Variants in ZDHHC17 observed in about 807,000 individuals in gnomAD.
ZDHHC17 encodes the protein zDHHC palmitoyltransferase 17, also known as palmitoyltransferase ZDHHC17.
Under a neutral mutation model 90.3 loss-of-function variants are expected in ZDHHC17, and 40 were observed. The ratio of observed to expected loss-of-function variants is 0.44; its 90% CI spans 0.34 to 0.58. The LOEUF is 0.58. Ranked by LOEUF, ZDHHC17 falls within the 20% of genes least tolerant of loss-of-function variation. ZDHHC17 has a pLI of 0.01. For missense variants in ZDHHC17, 614 were observed against 780.8 expected, an observed-to-expected ratio of 0.79 and a Z score of 2.55; for synonymous variants, 235 against 252.4, an observed-to-expected ratio of 0.93 and a Z score of 0.65.
chr12:76,839,009 G>C (rs921340605), intron 10 of ZDHHC17, among the ~76,000 whole-genome samples: 5 of 152,186 alleles, frequency 3.3e-5, no homozygotes, highest in African/African-American at 1.2e-4. Flanking sequence ...TTTGTAGCTT[G>C]CAGATGATGA....
chr12:76,831,860 A>G (rs148310729), intron 10 of ZDHHC17, among the ~76,000 whole-genome samples: 67 of 152,230 alleles, frequency 4.4e-4, no homozygotes, highest in Non-Finnish European at 7.6e-4. Flanking sequence ...TGCCCAGGCT[A>G]GTCTCAAACT....
chr12:76,799,932 T>C (rs917355447), intron 2 of ZDHHC17, among the ~76,000 whole-genome samples: 45 of 152,332 alleles, frequency 3.0e-4, no homozygotes, highest in African/African-American at 9.6e-4. Flanking sequence ...AGTCTAAACA[T>C]GTTTGTTTAT....
chr12:76,849,137 A>AAAC (rs1953529947), intron 15 of ZDHHC17, among the ~76,000 whole-genome samples: 1 of 146,468 alleles, frequency 6.8e-6, no homozygotes, highest in African/African-American at 2.5e-5. Flanking sequence ...AAAAAAAAAA[A>AAAC]AAAACCCAAC....
At chr12:76,822,921 C>T (rs2126682) in intron 8 of ZDHHC17, among the ~76,000 whole-genome samples, 91,078 of 151,828 alleles carry the variant, frequency 0.6, 27,360 homozygotes, top group East Asian at 0.67. Context: ...TTACTTAGCA[C>T]GAGTATTTAC....
At chr12:76,844,020 G>A (rs1314535455) in intron 12 of ZDHHC17, 1 of 151,966 alleles carries the variant, frequency 6.6e-6, no homozygotes, top group African/African-American at 2.4e-5. Flanking sequence ...TTGTTTCTGT[G>A]CTTTACAATG....
intron 1 of ZDHHC17, among the ~76,000 whole-genome samples, chr12:76,776,488 AT>A (rs1276874371): frequency 1.3e-5 from 2 of 150,380 alleles, no homozygotes; most frequent in Non-Finnish European, 2.9e-5. Flanking sequence ...GTTCATGTAT[AT>A]TTATTTCCTT....
At chr12:76,828,629 A>T (rs755965436) in intron 10 of ZDHHC17, 139 bp downstream of exon 10, 2 of 655,602 alleles carry the variant, frequency 3.1e-6, no homozygotes, top group Non-Finnish European at 4.9e-6. Flanking sequence ...TAGTAAACTA[A>T]TATAAGTAAT....
chr12:76,815,833 G>GTT (rs77238734), intron 6 of ZDHHC17, 24 bp from the exon 7 acceptor site: 1,325 of 1,134,102 alleles, frequency 1.2e-3, no homozygotes, highest in South Asian at 3.2e-3. Context: ...GTTGTTGTTT[G>GTT]TTTTTTTTTT....
chr12:76,800,698 CT>C (rs141610954), intron 2 of ZDHHC17, among the ~76,000 whole-genome samples: 4,601 of 152,088 alleles, frequency 0.03, 150 homozygotes, highest in African/African-American at 0.078. Flanking sequence ...CATGGAATTT[CT>C]TTTTTCATCC....
intron 3 of ZDHHC17, among the ~76,000 whole-genome samples, chr12:76,807,365 A>G (rs1486585988): frequency 1.3e-5 from 2 of 152,262 alleles, no homozygotes; most frequent in African/African-American, 2.4e-5. Flanking sequence ...TTTACAGCCC[A>G]GGTACTTACT....
Position 76,848,213 on chromosome 12 carries a change from T to C in ZDHHC17, c.1508-20T>C, listed in dbSNP as rs1434979763. ...TGGATGATTATTGAGTAAATACGAG[T>C]ACTTCTGTTCTGGCTTTAGACTGGG... is the stretch of plus-strand genomic sequence containing the variant. On this transcript the variant is annotated intron_variant, in intron 14 of 16. Transcript: ENST00000426126. 5.6e-6 allele frequency: 9 copies of C among 1,612,794 alleles called. No homozygotes were observed. The highest frequency in any genetic ancestry group is 7.6e-6 in the Non-Finnish European group (9 of 1,179,110).
Position 76,797,468 on chromosome 12 carries a change from A to G in ZDHHC17, c.128A>G (p.Tyr43Cys), listed in dbSNP as rs1330499244. 3 of 1,610,810 alleles carry G rather than the reference A, an allele frequency of 1.9e-6. No individual in the cohort carries two copies. In the South Asian group the frequency reaches 3.3e-5, roughly 18 times the overall value. The change falls in exon 2 of 17, where the codon TAT (tyrosine) becomes TGT (cysteine). Residue 43 changes from tyrosine to cysteine, a missense_variant. Tyr to Cys is a radical substitution (Grantham distance 194). Around this residue, in one of 5 missense-constraint regions of ZDHHC17, gnomAD observed 358 missense variants for 380.4 expected, o/e 0.94. Coordinates refer to ENST00000426126, the MANE Select transcript of ZDHHC17 (RefSeq NM_015336.4). ...IKPQSHYNHG[Y>C]GEPLGRKTHI... Reference sequence around the variant, plus strand: ...CCCCAAAGCCATTATAACCATGGATATGGTGAACCTCTTGGACGGAAAACT... The same window carrying G: ...CCCCAAAGCCATTATAACCATGGATGTGGTGAACCTCTTGGACGGAAAACT...
intron 1 of ZDHHC17, among the ~76,000 whole-genome samples, chr12:76,793,497 G>A (rs1259218473): frequency 6.6e-6 from 1 of 152,236 alleles, no homozygotes. Context: ...TCCAGCCTGG[G>A]TGACAGAGTG....
At position 76,764,329 on chromosome 12, in the gene ZDHHC17, G is replaced by A; in HGVS notation, c.93G>A (p.Glu31=). 1 of 1,595,518 alleles carries A rather than the reference G, an allele frequency of 6.3e-7. No homozygotes were observed. Among genetic ancestry groups the A allele is most frequent in the Non-Finnish European group, 8.5e-7 (1 of 1,170,538 alleles). Residue 31 remains glutamate (E), a splice_region_variant and synonymous_variant, in exon 1 of 17, where the codon GAG becomes GAA. Transcript: ENST00000426126. ...GCTGTGTGCCCCTTCTCCACCCAGA[G>A]GTGAGGAACCGTGCTGAGTGGATTC... ...EAGCVPLLHP[E]EIKPQSHYNH... is the part of the protein sequence containing the mutation.
chr12:76,822,620 T>G, intron 8 of ZDHHC17, 89 bp downstream of exon 8: 1 of 1,091,268 alleles, frequency 9.2e-7, no homozygotes, highest in Non-Finnish European at 1.3e-6. Context: ...AGTGGCGAGA[T>G]TTTGGCTCAC....
intron 14 of ZDHHC17, 22 bp downstream of exon 14, chr12:76,846,701 T>C (rs1953499070): frequency 6.4e-7 from 1 of 1,571,866 alleles, no homozygotes; most frequent in Non-Finnish European, 8.7e-7. Flanking sequence ...TAGTTTTCGG[T>C]CTTTTTAAAA....
At chr12:76,850,528 G>A (rs1953551788) in intron 16 of ZDHHC17, among the ~76,000 whole-genome samples, 1 of 151,436 alleles carries the variant, frequency 6.6e-6, no homozygotes, top group Admixed American at 6.6e-5. Flanking sequence ...GGCCAGGCCG[G>A]GCAACATAGT....
chr12:76,765,098 T>G (rs538090366), intron 1 of ZDHHC17, among the ~76,000 whole-genome samples: 1 of 152,344 alleles, frequency 6.6e-6, no homozygotes, highest in East Asian at 1.9e-4. Context: ...TAGTTAAGGC[T>G]TGGAAGCAAT....
intron 1 of ZDHHC17, among the ~76,000 whole-genome samples, chr12:76,789,943 G>T (rs1489326439): frequency 6.6e-6 from 1 of 152,078 alleles, no homozygotes; most frequent in African/African-American, 2.4e-5. Flanking sequence ...ATCCTGGATG[G>T]GATCCTGGAA....
Sources: allele counts gnomAD v4.1 joint callset (sites outside exome capture counted in the v4.1 genomes callset), GRCh38; gene constraint gnomAD v4.1.1; regional missense constraint gnomAD v4.1.1; transcripts MANE v1.5; gene names NCBI Gene and HGNC (gene_info 2026-07-23, HGNC 2026-07-21).